The following SNTG2 variants were observed in gnomAD, a reference collection of about 807,000 sequenced individuals.
SNTG2 encodes gamma-2-syntrophin.
A neutral mutation model predicts 70.9 loss-of-function variants in SNTG2; 74 were observed. The observed-to-expected ratio is 1.04, with a 90% CI of 0.86 to 1.27. The LOEUF (loss-of-function observed/expected upper bound fraction) is 1.27. Among genes scored for constraint, SNTG2 ranks in the 50% most tolerant of loss-of-function variants. SNTG2 has a pLI of 0.00. For missense variants in SNTG2, 717 were observed against 690.7 expected (o/e 1.04, Z -0.43); for synonymous variants, 278 against 273.8 (o/e 1.02, Z -0.15).
At chr2:1,073,445 G>A (rs971707164) in intron 1 of SNTG2, among the ~76,000 whole-genome samples, 5 of 152,180 alleles carry the variant, frequency 3.3e-5, no homozygotes, top group Admixed American at 2.6e-4. Flanking sequence ...TAGCAATAAA[G>A]TATTTTTTTA....
intron 1 of SNTG2, among the ~76,000 whole-genome samples, chr2:1,069,752 C>A (rs1663400997): frequency 6.6e-6 from 1 of 152,134 alleles, no homozygotes; most frequent in Non-Finnish European, 1.5e-5. Context: ...GATCGCACCA[C>A]TGCACTGCAG....
chr2:1,215,746 T>C (rs1408480756), intron 9 of SNTG2, among the ~76,000 whole-genome samples: 1 of 134,190 alleles, frequency 7.5e-6, no homozygotes, highest in Non-Finnish European at 1.6e-5. Context: ...GATGTTCCCC[T>C]TCCTGTGTCC....
At chr2:1,364,092 T>A (rs1661343679) in intron 16 of SNTG2, among the ~76,000 whole-genome samples, 1 of 152,032 alleles carries the variant, frequency 6.6e-6, no homozygotes, top group Non-Finnish European at 1.5e-5. Flanking sequence ...TGCCTCAGCC[T>A]CCCAAGTAGC....
intron 4 of SNTG2, among the ~76,000 whole-genome samples, chr2:1,119,311 A>G (rs1667234286): frequency 6.6e-6 from 1 of 152,216 alleles, no homozygotes; most frequent in Non-Finnish European, 1.5e-5. Context: ...AGAAAAGTGT[A>G]ATCACTATCA....
chr2:960,674 C>T (rs992104292), intron 1 of SNTG2, among the ~76,000 whole-genome samples: 16 of 145,650 alleles, frequency 1.1e-4, no homozygotes, highest in Middle Eastern at 3.6e-3. Context: ...ACTGCCTGCT[C>T]ATGGGAGCAT....
At chr2:1,208,246 C>G (rs1444235622) in intron 8 of SNTG2, among the ~76,000 whole-genome samples, 2 of 131,896 alleles carry the variant, frequency 1.5e-5, no homozygotes, top group South Asian at 4.8e-4. Flanking sequence ...GTGGGGCACA[C>G]CTGTGAGTGT....
rs76251157 is a variant in SNTG2 at position 1,117,784 on chromosome 2, C to T, written c.325+19374C>T. Among the ~76,000 whole-genome samples the T allele has an allele frequency of 1.9e-3, 283 of 152,332 alleles. 2 individuals carry two copies. The highest frequency in any genetic ancestry group is 0.012 in the East Asian group (62 of 5,178). The stretch of plus-strand genomic sequence containing the variant: ...GGCTGCGCTGGCATCTTGCCATTCC[C>T]GGGTCTTTGCTGCTGCTGCACTGGC... On this transcript the variant is annotated intron_variant, in intron 4 of 16. Transcript: ENST00000308624.
intron 9 of SNTG2, among the ~76,000 whole-genome samples, chr2:1,232,160 C>T (rs934177257): frequency 5.3e-5 from 8 of 152,192 alleles, no homozygotes; most frequent in African/African-American, 1.7e-4. Flanking sequence ...ACCCTGTTCT[C>T]ATGAACCAAT....
chr2:967,593 G>T lies in SNTG2; in HGVS notation c.72+16525G>T, dbSNP rs138208433. ...TGTATCATCTTTTTATGTATTACTA[G>T]ATTCAATTTGCTGTATTTTGTCAGT... On this transcript the variant is annotated intron_variant, in intron 1 of 16. Transcript: ENST00000308624. Among the ~76,000 whole-genome samples, 285 of 152,186 alleles carry T rather than the reference G, an allele frequency of 1.9e-3. 2 individuals are homozygous for T. The highest frequency in any genetic ancestry group is 6.3e-3 in the African/African-American group (262 of 41,514).
chr2:1,196,569 A>G (rs904379140), intron 8 of SNTG2, among the ~76,000 whole-genome samples: 3 of 152,170 alleles, frequency 2.0e-5, no homozygotes, highest in Admixed American at 2.0e-4. Flanking sequence ...TCTTCATCGT[A>G]TAGTATGGTC....
intron 14 of SNTG2, among the ~76,000 whole-genome samples, chr2:1,301,239 A>C (rs1046645979): frequency 1.3e-5 from 2 of 152,068 alleles, no homozygotes; most frequent in Admixed American, 6.5e-5. Context: ...ACTTAGTTTG[A>C]GGGAGAGTCA....
intron 1 of SNTG2, among the ~76,000 whole-genome samples, chr2:1,029,298 T>C (rs539485617): frequency 6.6e-6 from 1 of 152,346 alleles, no homozygotes; most frequent in African/African-American, 2.4e-5. Context: ...AAGACTGATT[T>C]TCTTTGCAGG....
chr2:1,333,436 A>C (rs199523684), intron 16 of SNTG2, among the ~76,000 whole-genome samples: 2 of 152,204 alleles, frequency 1.3e-5, no homozygotes, highest in East Asian at 3.9e-4. Context: ...GAACTAGAAA[A>C]AGCAAACCTA....
chr2:1,173,095 C>A lies in SNTG2; in HGVS notation c.503C>A (p.Ser168Tyr), dbSNP rs28505970. Residue 168 changes from serine to tyrosine, a missense_variant, in exon 8 of 17, where the codon TCC becomes TAC. Physicochemically the swap from Ser to Tyr is moderately radical, Grantham distance 144 (BLOSUM62 -2). Coordinates refer to ENST00000308624, the MANE Select transcript of SNTG2 (RefSeq NM_018968.4). ...APAFLKLPLG[S>Y]PGPSSDHSSG... ...GACTTCTCTTGTTTTGCTGCAGGGT[C>A]CCCAGGGCCATCCAGCGACCACAGC... 0.16 allele frequency: 255,784 copies of A among 1,612,338 alleles called. 21,974 individuals are homozygous for A. The highest frequency in any genetic ancestry group is 0.32 in the African/African-American group (23,666 of 74,894).
At chr2:1,322,189 G>A (rs1558207050) in intron 16 of SNTG2, among the ~76,000 whole-genome samples, 1 of 152,204 alleles carries the variant, frequency 6.6e-6, no homozygotes, top group East Asian at 1.9e-4. Context: ...ACAAGCAAGT[G>A]TATTATCATT....
At chr2:993,876 AAAT>A (rs1297099073) in intron 1 of SNTG2, among the ~76,000 whole-genome samples, 4 of 152,160 alleles carry the variant, frequency 2.6e-5, no homozygotes, top group Non-Finnish European at 5.9e-5. Context: ...AGTGTTTTAA[AAAT>A]AATTTTATGT....
At chr2:1,167,431 G>A (rs1408904745) in intron 7 of SNTG2, among the ~76,000 whole-genome samples, 9 of 132,054 alleles carry the variant, frequency 6.8e-5, no homozygotes, top group South Asian at 2.6e-4. Flanking sequence ...CCTAGAAGCC[G>A]CCCACAGACG....
At position 1,337,195 on chromosome 2, in the gene SNTG2, C is replaced by T. The variant is rs117149949; in HGVS notation, c.1488+20820C>T. ...GCTTGAGTCCCTGCTTTAAATTATT[C>T]GGGTATTGAACAAGAGTAGAATTGC... On this transcript the variant is annotated intron_variant, in intron 16 of 16. Transcript: ENST00000308624. Among the ~76,000 whole-genome samples, 10 of 152,198 alleles carry T rather than the reference C, an allele frequency of 6.6e-5. No homozygotes were observed. The East Asian group carries it at 7.7e-4, about 12-fold the overall frequency.
At chr2:1,172,964 A>G (rs1671224256) in intron 7 of SNTG2, 128 bp from the exon 8 acceptor site, 2 of 788,030 alleles carry the variant, frequency 2.5e-6, no homozygotes, top group Non-Finnish European at 4.3e-6. Flanking sequence ...GACCCAGCCC[A>G]TAACTGGACA....
Sources: allele counts gnomAD v4.1 joint callset (sites outside exome capture counted in the v4.1 genomes callset), GRCh38; gene constraint gnomAD v4.1.1; transcripts MANE v1.5; gene names NCBI Gene and HGNC (gene_info 2026-07-23, HGNC 2026-07-21).